UBE4B: variants seen among roughly 807,000 people sequenced by gnomAD.
UBE4B encodes ubiquitination factor E4B, also known as ubiquitin conjugation factor E4 B.
Under a neutral mutation model 148.1 loss-of-function variants are expected in UBE4B, and 27 were observed. The observed-to-expected ratio is 0.18, with a 90% confidence interval of 0.13 to 0.25. The LOEUF is 0.25. UBE4B is among the 10% of genes least tolerant of loss of function. The probability of loss-of-function intolerance (pLI) is 1.00; values close to 1 mark genes in which losing one functional copy is unlikely to be tolerated. For missense variants in UBE4B, 1,170 were observed against 1,662.4 expected, an observed-to-expected ratio of 0.70 and a Z score of 5.15; for synonymous variants, 596 against 619.3, an observed-to-expected ratio of 0.96 and a Z score of 0.56.
chr1:10,044,240 G>T (rs1166201010), intron 1 of UBE4B, among the ~76,000 whole-genome samples: 1 of 151,976 alleles, frequency 6.6e-6, no homozygotes, highest in East Asian at 1.9e-4. Flanking sequence ...TTTTAGCGGA[G>T]ACGGGGTTTT....
At chr1:10,094,238 G>A (rs1644893957) in intron 2 of UBE4B, among the ~76,000 whole-genome samples, 1 of 152,038 alleles carries the variant, frequency 6.6e-6, no homozygotes, top group Non-Finnish European at 1.5e-5. Context: ...AGCTCTGTGA[G>A]GGCAACAAAG....
intron 15 of UBE4B, 62 bp from the exon 16 acceptor site, chr1:10,134,926 C>A (rs1045881485): frequency 3.8e-5 from 55 of 1,444,528 alleles, no homozygotes; most frequent in Admixed American, 1.3e-4. Flanking sequence ...CAGAGTGAGA[C>A]CCCATCTCAA....
At chr1:10,115,312 G>A (rs1184875713) in intron 7 of UBE4B, among the ~76,000 whole-genome samples, 3 of 150,484 alleles carry the variant, frequency 2.0e-5, no homozygotes, top group Non-Finnish European at 4.4e-5. Flanking sequence ...CTCTTGCCCA[G>A]GCTGGAGTGC....
chr1:10,144,940 A>T lies in UBE4B; in HGVS notation c.2364A>T (p.Arg788Ser). ...TTTGACTGTTAGTCTTTGATTTCAG[A>T]ACTGTAGAAGATTTGAAAAATAATG... ...RRLRAIRELN[R>S]TVEDLKNNES... Residue 788 changes from arginine to serine, a missense_variant and splice_region_variant, in exon 18 of 28, where the codon AGA (arginine) becomes AGT (serine). Arg to Ser is a moderately radical substitution (Grantham distance 110). Around this residue, in one of 6 missense-constraint regions of UBE4B, gnomAD observed 388 missense variants for 536.0 expected, o/e 0.72. Transcript: ENST00000343090. 1.9e-6 allele frequency: 3 copies of T among 1,611,460 alleles called. No individual in the cohort carries two copies. The highest frequency in any genetic ancestry group is 2.5e-6 in the Non-Finnish European group (3 of 1,178,230).
At position 10,108,903 on chromosome 1, in the gene UBE4B, T is replaced by C. The variant is rs528222466; in HGVS notation, c.1196+2320T>C. Among the ~76,000 whole-genome samples, 134 of 152,328 alleles carry C rather than the reference T, an allele frequency of 8.8e-4. 1 individual carries two copies. Among genetic ancestry groups the C allele is most frequent in the African/African-American group, 3.0e-3 (126 of 41,580 alleles). On this transcript the variant is annotated intron_variant, in intron 7 of 27. Transcript: ENST00000343090. ...GGTAAAAGTGCTGTGTTACCTGTTTTACTGTAAATTTTCTGTGGGAGAAAT... is the reference window on the plus strand; with the variant it reads ...GGTAAAAGTGCTGTGTTACCTGTTTCACTGTAAATTTTCTGTGGGAGAAAT...
In UBE4B at chr1:10,181,236, G is replaced by T. The variant is rs796474157; in HGVS notation, c.*1280G>T. On this transcript the variant is annotated 3_prime_UTR_variant, in exon 28 of 28. Transcript: ENST00000343090. ...AATAAATGGTGACACACGTTCAGAA[G>T]AAATCTTCTTTGAGTCTCTTCTCTT... 5.8e-5 allele frequency: 6 copies of T among 102,844 alleles called. No individual in the cohort carries two copies. Among genetic ancestry groups the T allele is most frequent in the African/African-American group, 2.3e-4 (6 of 26,130 alleles). 6.4% of individuals were successfully genotyped at this position (102,844 alleles called of 1,614,324 possible). A position where few individuals can be genotyped will look rare whatever the true frequency, so the allele number is the denominator to read the frequency against.
At chr1:10,055,683 G>A (rs1004265491) in intron 1 of UBE4B, among the ~76,000 whole-genome samples, 1 of 152,174 alleles carries the variant, frequency 6.6e-6, no homozygotes, top group Non-Finnish European at 1.5e-5. Context: ...ACTTTGGGAG[G>A]CCAAGGTGGG....
At chr1:10,057,914 G>A (rs1644207049) in intron 1 of UBE4B, among the ~76,000 whole-genome samples, 1 of 152,146 alleles carries the variant, frequency 6.6e-6, no homozygotes. Flanking sequence ...AGCATGGGAG[G>A]CAGTGGAGGG....
intron 1 of UBE4B, among the ~76,000 whole-genome samples, chr1:10,038,246 C>T (rs1337244708): frequency 6.6e-6 from 1 of 151,070 alleles, no homozygotes; most frequent in Non-Finnish European, 1.5e-5. Flanking sequence ...CACCACTACA[C>T]TCCAGCCTGG....
chr1:10,175,158 C>T (rs1646398620), intron 25 of UBE4B, among the ~76,000 whole-genome samples: 1 of 152,070 alleles, frequency 6.6e-6, no homozygotes. Context: ...GGCAGAGCTC[C>T]ATGCCAGAGA....
intron 1 of UBE4B, among the ~76,000 whole-genome samples, chr1:10,044,693 C>T (rs573665525): frequency 3.0e-4 from 46 of 152,136 alleles, no homozygotes; most frequent in African/African-American, 1.0e-3. Context: ...GCGATCCTCC[C>T]ACCTCAGCCT....
intron 17 of UBE4B, among the ~76,000 whole-genome samples, chr1:10,141,472 C>T (rs911806638): frequency 6.6e-6 from 1 of 152,176 alleles, no homozygotes; most frequent in African/African-American, 2.4e-5. Context: ...CAGAAGGAAC[C>T]ATCCCTGCTG....
chr1:10,106,401 A>G lies in UBE4B; in HGVS notation c.1014A>G (p.Pro338=). 1 of 1,613,368 alleles carries G rather than the reference A, an allele frequency of 6.2e-7. No individual in the cohort carries two copies. Among genetic ancestry groups the G allele is most frequent in the Non-Finnish European group, 8.5e-7 (1 of 1,179,568 alleles). The change falls in exon 7 of 28, where the codon CCA becomes CCG. Residue 338 remains proline (P), a synonymous_variant. Coordinates refer to ENST00000343090, the MANE Select transcript of UBE4B (RefSeq NM_001105562.3). This position sits in a 1 kb window ranked among gnomAD's most constrained non-coding sequence, Gnocchi z 4.2. The part of the protein sequence containing the change: ...PRYRPYTVTH[P]WASSGVSILS... The stretch of plus-strand genomic sequence containing the variant: ...ATCGCCCCTACACTGTCACTCACCC[A>G]TGGGCGTCCTCAGGCGTCTCCATTC...
chr1:10,044,266 G>C (rs1643872308), intron 1 of UBE4B, among the ~76,000 whole-genome samples: 3 of 151,788 alleles, frequency 2.0e-5, no homozygotes, highest in Admixed American at 2.0e-4. Context: ...TGTTGTCCAG[G>C]CTGATCTTGA....
chr1:10,092,824 A>G (rs6676280), intron 2 of UBE4B, among the ~76,000 whole-genome samples: 52,415 of 151,182 alleles, frequency 0.35, 14,086 homozygotes, highest in African/African-American at 0.75. Flanking sequence ...GTGAAACTCT[A>G]TCTCAAAAAA....
chr1:10,107,738 C>T (rs1231730302), intron 7 of UBE4B, among the ~76,000 whole-genome samples: 9 of 151,810 alleles, frequency 5.9e-5, no homozygotes, highest in African/African-American at 1.9e-4. Flanking sequence ...CCACCATGCC[C>T]GGCTAATTTT....
intron 3 of UBE4B, among the ~76,000 whole-genome samples, chr1:10,099,074 A>G (rs1009322785): frequency 1.3e-5 from 2 of 152,024 alleles, no homozygotes; most frequent in African/African-American, 4.8e-5. Context: ...CCCTGTTTCC[A>G]CTAAAAATAC....
At chr1:10,154,842 C>CAA (rs756146634) in intron 21 of UBE4B, among the ~76,000 whole-genome samples, 28 of 108,032 alleles carry the variant, frequency 2.6e-4, no homozygotes, top group African/African-American at 6.4e-4. Context: ...ATCTCCATCT[C>CAA]AAAAAAAAAA....
intron 21 of UBE4B, among the ~76,000 whole-genome samples, chr1:10,152,458 C>T (rs908206420): frequency 3.3e-5 from 5 of 151,922 alleles, no homozygotes; most frequent in Admixed American, 2.6e-4. Flanking sequence ...AAATTTAAAG[C>T]CTTTCTGAAA....
Sources: gnomAD v4.1 joint callset for allele counts (sites outside exome capture counted in the v4.1 genomes callset) on GRCh38, gnomAD v4.1.1 for gene constraint, gnomAD v4.1.1 regional missense constraint, Gnocchi (gnomAD v3.1) non-coding constraint, MANE v1.5 for transcripts, NCBI Gene and HGNC (gene_info 2026-07-23, HGNC 2026-07-21) for gene names.